MED12L: variants seen among roughly 807,000 people sequenced by gnomAD.
The protein encoded by MED12L is mediator of RNA polymerase II transcription subunit 12-like protein.
A neutral mutation model predicts 281.3 loss-of-function variants in MED12L; 60 were observed. The observed-to-expected ratio is 0.21, with a 90% CI of 0.17 to 0.26. The LOEUF is 0.26. Among genes scored for constraint, MED12L ranks in the 10% least tolerant of loss-of-function variants. The pLI is 1.00. For missense variants in MED12L, 2,146 were observed against 2,680.9 expected, an observed-to-expected ratio of 0.80 and a Z score of 4.41; for synonymous variants, 974 against 987.2, an observed-to-expected ratio of 0.99 and a Z score of 0.25.
At chr3:151,129,041 T>A (rs1184278803) in intron 5 of MED12L, among the ~76,000 whole-genome samples, 1 of 152,238 alleles carries the variant, frequency 6.6e-6, no homozygotes, top group Non-Finnish European at 1.5e-5. Flanking sequence ...CATAAAGAGT[T>A]ATATATAAAT....
At chr3:151,144,447 C>A (rs1717488510) in intron 5 of MED12L, among the ~76,000 whole-genome samples, 1 of 152,164 alleles carries the variant, frequency 6.6e-6, no homozygotes, top group South Asian at 2.1e-4. Flanking sequence ...TTCCATGCAA[C>A]CTTGCAGTAC....
At chr3:151,285,070 G>A (rs1022949417) in intron 16 of MED12L, among the ~76,000 whole-genome samples, 2 of 152,212 alleles carry the variant, frequency 1.3e-5, no homozygotes, top group Non-Finnish European at 2.9e-5. Context: ...GGCATTTGCA[G>A]TAACCTGGAT....
intron 16 of MED12L, among the ~76,000 whole-genome samples, chr3:151,339,116 A>G (rs1270170227): frequency 1.3e-5 from 2 of 152,096 alleles, no homozygotes; most frequent in East Asian, 3.9e-4. Flanking sequence ...TATTTGTTGA[A>G]TGTTTGCCTC....
rs1331076294 is a variant in MED12L at position 151,434,576 on chromosome 3, CCT to C, written c.*1776_*1777del. The C allele has an allele frequency of 6.6e-6, 1 of 152,084 alleles. No homozygotes were observed. Among genetic ancestry groups the C allele is most frequent in the Admixed American group, 6.5e-5 (1 of 15,268 alleles). 9.4% of individuals were successfully genotyped at this position (152,084 alleles called of 1,614,324 possible). ...GCTGGTTTTGTATATCAGATTTTTT[CCT>C]CTCAAGAAACATACTTAGATAAGCT... is the stretch of plus-strand genomic sequence containing the variant. On this transcript the variant is annotated 3_prime_UTR_variant, in exon 45 of 45. Transcript: ENST00000687756.
At chr3:151,151,031 C>CTTTGTTTTTTTTTTTTTTTTTT (rs1718399593) in intron 5 of MED12L, among the ~76,000 whole-genome samples, 1 of 32,880 alleles carries the variant, frequency 3.0e-5, no homozygotes, top group Non-Finnish European at 5.4e-5. Flanking sequence ...GCTGAAGTAG[C>CTTTGTTTTTTTTTTTTTTTTTT]TTTTTTTTTT....
Position 151,374,516 on chromosome 3 carries a change from C to G in MED12L, c.3865-1510C>G, listed in dbSNP as rs1053041849. On this transcript the variant is annotated intron_variant, in intron 27 of 44. Coordinates refer to ENST00000687756, the MANE Select transcript of MED12L (RefSeq NM_001393769.1). ...TGAGCCGAGATTGCGCCACTGCACT[C>G]CAGCCCTGGTAAGAGAGCAAGACTC... is the stretch of plus-strand genomic sequence containing the variant. Among the ~76,000 whole-genome samples the G allele has an allele frequency of 3.9e-5, 6 of 152,160 alleles. No homozygotes were observed. In the South Asian group the frequency reaches 1.2e-3, roughly 32 times the overall value.
intron 16 of MED12L, chr3:151,249,104 A>AATATATGC (rs1736347632): frequency 1.3e-5 from 2 of 152,292 alleles, no homozygotes; most frequent in South Asian, 4.1e-4. Context: ...GCCCAGCTCT[A>AATATATGC]ATATATGCTT....
At chr3:151,165,216 A>G (rs1005851956) in intron 9 of MED12L, among the ~76,000 whole-genome samples, 2 of 152,188 alleles carry the variant, frequency 1.3e-5, no homozygotes, top group Non-Finnish European at 2.9e-5. Context: ...ATTTTTGTGA[A>G]CATTTATTAT....
At chr3:151,378,248 G>A in intron 31 of MED12L, 75 bp downstream of exon 31, 1 of 1,398,396 alleles carries the variant, frequency 7.2e-7, no homozygotes, top group Non-Finnish European at 9.5e-7. Context: ...GTAAACCTGT[G>A]TGGTCACTGT....
rs1292937165 is a variant in MED12L, at chr3:151,086,812, A to G, written c.-115A>G. ...CCTGCCTGCAGCGCCACAGCGAGCGAGCGAGCGAGGAGGGGGAGAGAGGGA... is the reference window on the plus strand; with the variant it reads ...CCTGCCTGCAGCGCCACAGCGAGCGGGCGAGCGAGGAGGGGGAGAGAGGGA... On this transcript the variant is annotated 5_prime_UTR_variant, in exon 2 of 45. Coordinates refer to ENST00000687756, the MANE Select transcript of MED12L (RefSeq NM_001393769.1). 2 of 776,262 alleles carry G rather than the reference A, an allele frequency of 2.6e-6. No individual in the cohort carries two copies. Among genetic ancestry groups the G allele is most frequent in the African/African-American group, 3.6e-5 (2 of 55,456 alleles). 48.1% of individuals were successfully genotyped at this position (776,262 alleles called of 1,614,324 possible). A position where few individuals can be genotyped will look rare whatever the true frequency, so the allele number is the denominator to read the frequency against.
At chr3:151,354,466 T>A (rs1456395379) in intron 17 of MED12L, among the ~76,000 whole-genome samples, 1 of 152,170 alleles carries the variant, frequency 6.6e-6, no homozygotes, top group Non-Finnish European at 1.5e-5. Flanking sequence ...ATTTCTTTTT[T>A]AAAAAATATA....
intron 38 of MED12L, 125 bp from the exon 39 acceptor site, chr3:151,394,529 CAG>C: frequency 7.1e-7 from 1 of 1,404,182 alleles, no homozygotes. Context: ...GCAGGTGGGA[CAG>C]TGCATTTTTT....
Position 151,425,651 on chromosome 3 carries a change from A to G in MED12L, c.6409-4648A>G, listed in dbSNP as rs1436831337. 5 of 456,612 alleles carry G rather than the reference A, an allele frequency of 1.1e-5. No homozygotes were observed. In the East Asian group the frequency reaches 3.5e-4, roughly 32 times the overall value. The allele number at this position is 456,612 out of a possible 1,614,324, so 28.3% of individuals were successfully genotyped here. On this transcript the variant is annotated intron_variant, in intron 43 of 44. Coordinates refer to ENST00000687756, the MANE Select transcript of MED12L (RefSeq NM_001393769.1). ...TGGTTATACCATGTTGATTAGTTAT[A>G]CCTGACAGTAGTAAGCTGGGTATTC...
At chr3:151,142,952 GA>G (rs1196836610) in intron 5 of MED12L, among the ~76,000 whole-genome samples, 1 of 152,098 alleles carries the variant, frequency 6.6e-6, no homozygotes, top group East Asian at 1.9e-4. Flanking sequence ...TGTAGTCAAG[GA>G]ATTCATAGGG....
chr3:151,333,607 T>C (rs1222909224), intron 16 of MED12L, among the ~76,000 whole-genome samples: 1 of 152,234 alleles, frequency 6.6e-6, no homozygotes, highest in African/African-American at 2.4e-5. Context: ...AAAACAATGC[T>C]ATAGAGCATG....
At chr3:151,321,543 C>A (rs1366536639) in intron 16 of MED12L, among the ~76,000 whole-genome samples, 1 of 151,948 alleles carries the variant, frequency 6.6e-6, no homozygotes, top group Non-Finnish European at 1.5e-5. Flanking sequence ...TGAAAGCCTT[C>A]AGAAATACAT....
intron 21 of MED12L, among the ~76,000 whole-genome samples, chr3:151,363,930 A>C (rs1172622931): frequency 4.6e-5 from 7 of 152,154 alleles, no homozygotes; most frequent in Non-Finnish European, 1.0e-4. Flanking sequence ...TAGAATAGAG[A>C]GTCTTTGTGA....
chr3:151,163,844 T>A (rs776177799), intron 8 of MED12L, 49 bp from the exon 9 acceptor site: 6 of 1,577,806 alleles, frequency 3.8e-6, no homozygotes, highest in Non-Finnish European at 5.2e-6. Context: ...GCTATTGTTA[T>A]GCTTTTCTCC....
chr3:151,275,582 G>A (rs900722391), intron 16 of MED12L, among the ~76,000 whole-genome samples: 1 of 152,210 alleles, frequency 6.6e-6, no homozygotes, highest in Non-Finnish European at 1.5e-5. Context: ...AAGCTTTGCT[G>A]TGGTAAACTT....
Sources: allele counts gnomAD v4.1 joint callset (sites outside exome capture counted in the v4.1 genomes callset), GRCh38; gene constraint gnomAD v4.1.1; transcripts MANE v1.5; gene names NCBI Gene and HGNC (gene_info 2026-07-23, HGNC 2026-07-21).